The following ZAN variants were observed in gnomAD, a reference collection of about 807,000 sequenced individuals.
ZAN encodes the protein zonadhesin (gene/pseudogene).
A neutral mutation model predicts 286.2 loss-of-function variants in ZAN; 260 were observed. That is an observed-to-expected ratio of 0.91 (90% CI 0.82 to 1.01). ZAN has a LOEUF of 1.01. Ranked by LOEUF, ZAN falls within the 50% of genes least tolerant of loss-of-function variation. The pLI is 0.00. For synonymous variants in ZAN, 1,368 were observed against 1,417.5 expected, an observed-to-expected ratio of 0.97 and a Z score of 0.79; for missense variants, 3,410 against 3,639.2, an observed-to-expected ratio of 0.94 and a Z score of 1.62.
In ZAN at chr7:100,736,770, G is replaced by A; in HGVS notation, c.254-39G>A. 2.1e-6 allele frequency: 3 copies of A among 1,458,494 alleles called. 1 individual carries two copies. Among genetic ancestry groups the A allele is most frequent in the Non-Finnish European group, 9.3e-7 (1 of 1,076,062 alleles). 90.3% of individuals were successfully genotyped at this position (1,458,494 alleles called of 1,614,324 possible). ...GGATGGGTGGGGGCAGCCCTCAGAG[G>A]TGGCTGGGCCTCAGTGTCTTGGGCT... On this transcript the variant is annotated intron_variant, in intron 4 of 47. Coordinates refer to ENST00000613979, the MANE Select transcript of ZAN (RefSeq NM_003386.3).
At chr7:100,760,646 C>T in intron 19 of ZAN, 110 bp downstream of exon 19, 1 of 1,456,480 alleles carries the variant, frequency 6.9e-7, no homozygotes, top group Non-Finnish European at 9.3e-7. Context: ...CCTGGCACCA[C>T]TACTTGATCC....
At chr7:100,791,895 T>A in intron 40 of ZAN, 71 bp from the exon 41 acceptor site, 2 of 1,504,500 alleles carry the variant, frequency 1.3e-6, no homozygotes, top group Non-Finnish European at 1.8e-6. Flanking sequence ...GCCCGGCTAA[T>A]CAGTTCTTCT....
At chr7:100,760,155 A>C (rs1482406095) in intron 18 of ZAN, among the ~76,000 whole-genome samples, 3 of 152,174 alleles carry the variant, frequency 2.0e-5, no homozygotes, top group Non-Finnish European at 2.9e-5. Context: ...TCGAGGCTGC[A>C]GTGAGCTGTG....
chr7:100,775,296 G>GT (rs1255204381), intron 31 of ZAN, 32 bp from the exon 32 acceptor site: 1 of 1,606,418 alleles, frequency 6.2e-7, no homozygotes, highest in Admixed American at 1.7e-5. Context: ...CCAGAGGAGC[G>GT]TCATAGCCCA....
chr7:100,793,142 C>T (rs552074236), intron 42 of ZAN, among the ~76,000 whole-genome samples: 17 of 151,752 alleles, frequency 1.1e-4, no homozygotes, highest in South Asian at 2.1e-4. Context: ...AGTTTGAGAC[C>T]GGCCTGGGGA....
chr7:100,738,909 C>T (rs56813925), intron 7 of ZAN, among the ~76,000 whole-genome samples: 425 of 2,776 alleles, frequency 0.15, 45 homozygotes, highest in South Asian at 0.33. Flanking sequence ...CTCCCTCTCC[C>T]TCTCCCTCTC....
In ZAN at chr7:100,763,884, T is replaced by C. The variant is rs1485330234; in HGVS notation, c.4065T>C (p.Cys1355=). 4.3e-6 allele frequency: 7 copies of C among 1,613,900 alleles called. No homozygotes were observed. In the East Asian group the frequency reaches 8.9e-5, roughly 21 times the overall value. Reference sequence around the variant, plus strand: ...GCAGCATGTCGGGGCCAGGGTTCTGTGGACGGCTGGTCGACACTCATGGCC... The same window carrying C: ...GCAGCATGTCGGGGCCAGGGTTCTGCGGACGGCTGGTCGACACTCATGGCC... The part of the protein sequence containing the change: ...LQSSMSGPGF[C]GRLVDTHGPF... Residue 1355 remains cysteine (C), a synonymous_variant, in exon 21 of 48, where the codon TGT becomes TGC. Coordinates refer to ENST00000613979, the MANE Select transcript of ZAN (RefSeq NM_003386.3). The surrounding 1 kb of genome is among the most constrained non-coding windows in gnomAD (Gnocchi z 4.6).
chr7:100,783,559 C>A (rs1483404014), intron 35 of ZAN, among the ~76,000 whole-genome samples: 1 of 148,806 alleles, frequency 6.7e-6, no homozygotes, highest in East Asian at 2.0e-4. Context: ...CATGGTGAAA[C>A]CCCATCTCTA....
At chr7:100,778,859 C>T (rs1265560875) in intron 34 of ZAN, among the ~76,000 whole-genome samples, 1 of 152,060 alleles carries the variant, frequency 6.6e-6, no homozygotes. Flanking sequence ...ATGGTGAAAC[C>T]TCGTCTCTAT....
In ZAN at chr7:100,775,413, T is replaced by C. The variant is rs1444858592; in HGVS notation, c.5865T>C (p.Leu1955=). ...ATTCTATCCCGGACGCCTGCACTCT[T>C]GTCCTGGTGAAAGTGTGCCACCCCG... ...SNHSIPDACT[L]VLVKVCHPAM... is the part of the protein sequence containing the mutation. The change falls in exon 32 of 48, where the codon CTT becomes CTC. Residue 1955 remains leucine (L), a synonymous_variant. Transcript: ENST00000613979. 6.2e-7 allele frequency: 1 copy of C among 1,613,964 alleles called. No homozygotes were observed. The highest frequency in any genetic ancestry group is 8.5e-7 in the Non-Finnish European group (1 of 1,179,880).
At position 100,773,720 on chromosome 7, in the gene ZAN, G is replaced by A. The variant is rs746106090; in HGVS notation, c.5635-1G>A. On this transcript the variant is annotated splice_acceptor_variant, in intron 30 of 47. Coordinates refer to ENST00000613979, the MANE Select transcript of ZAN (RefSeq NM_003386.3). LOFTEE classifies it high-confidence loss of function. ...GCTCAGCTGATCCCTGTGGCCCACA[G>A]GTCGGGGAGCGCTGGTACACAGAGA... 3.1e-6 allele frequency: 5 copies of A among 1,607,716 alleles called. No homozygotes were observed. The East Asian group carries it at 1.1e-4, about 36-fold the overall frequency.
chr7:100,777,929 G>T (rs575787610), intron 34 of ZAN, among the ~76,000 whole-genome samples: 1 of 152,074 alleles, frequency 6.6e-6, no homozygotes, highest in Non-Finnish European at 1.5e-5. Flanking sequence ...ATTCTGGGGC[G>T]ATGTGTGTAA....
intron 1 of ZAN, among the ~76,000 whole-genome samples, 185 bp downstream of exon 1, chr7:100,733,833 T>C (rs117726678): frequency 0.044 from 6,240 of 141,352 alleles, 1,185 homozygotes; most frequent in Middle Eastern, 0.11. Flanking sequence ...AAATAATAAT[T>C]TCTTTTCCTT....
Position 100,750,610 on chromosome 7 carries a change from C to G in ZAN, c.1250-15C>G, listed in dbSNP as rs995817744. The G allele has an allele frequency of 1.2e-6, 2 of 1,612,070 alleles. No individual in the cohort carries two copies. The highest frequency in any genetic ancestry group is 2.2e-5 in the South Asian group (2 of 90,598). ...TGCAGGCTTCTTACCTTGCCTGTTCCCTTCCTTTGCCTAGGGGGTCACTAT... is the reference window on the plus strand; with the variant it reads ...TGCAGGCTTCTTACCTTGCCTGTTCGCTTCCTTTGCCTAGGGGGTCACTAT... On this transcript the variant is annotated splice_polypyrimidine_tract_variant and intron_variant, in intron 11 of 47. Coordinates refer to ENST00000613979, the MANE Select transcript of ZAN (RefSeq NM_003386.3).
rs1272106897 is a variant in ZAN, at chr7:100,752,843, C to T, written c.2738C>T (p.Pro913Leu). Reference protein sequence around the residue: ...TEKPTISPEKPTISTEKPTIP... With the variant: ...TEKPTISPEKLTISTEKPTIP... ...AAACCCACCATCTCCCCAGAAAAAC[C>T]CACCATCTCCACGGAAAAACCCACC... The change falls in exon 14 of 48, where the codon CCC becomes CTC. Residue 913 changes from proline to leucine, a missense_variant. Physicochemically the swap from Pro to Leu is moderately conservative, Grantham distance 98 (BLOSUM62 -3). Coordinates refer to ENST00000613979, the MANE Select transcript of ZAN (RefSeq NM_003386.3). 3.1e-6 allele frequency: 5 copies of T among 1,602,776 alleles called. No individual in the cohort carries two copies. Among genetic ancestry groups the T allele is most frequent in the African/African-American group, 1.4e-5 (1 of 72,814 alleles).
At chr7:100,772,933 C>A (rs1231635563) in intron 29 of ZAN, among the ~76,000 whole-genome samples, 1 of 141,408 alleles carries the variant, frequency 7.1e-6, no homozygotes, top group African/African-American at 2.6e-5. Flanking sequence ...GTGCAGTGGT[C>A]TGACCTCGCC....
chr7:100,759,936 GT>G, intron 18 of ZAN, 91 bp downstream of exon 18: 1 of 1,491,062 alleles, frequency 6.7e-7, no homozygotes, highest in Non-Finnish European at 8.9e-7. Flanking sequence ...CACGGATGGG[GT>G]TCAACAAGAC....
At chr7:100,744,870 T>G (rs1209782431) in intron 7 of ZAN, among the ~76,000 whole-genome samples, 1 of 134,682 alleles carries the variant, frequency 7.4e-6, no homozygotes, top group Non-Finnish European at 1.5e-5. Context: ...GTCTCCTTGG[T>G]TTTTTTTTTG....
intron 11 of ZAN, among the ~76,000 whole-genome samples, chr7:100,748,898 T>C (rs1048281287): frequency 6.6e-6 from 1 of 151,616 alleles, no homozygotes; most frequent in Non-Finnish European, 1.5e-5. Flanking sequence ...TAGCTAGATG[T>C]GGTGGTGTGT....
Sources: gnomAD v4.1 joint callset for allele counts (sites outside exome capture counted in the v4.1 genomes callset) on GRCh38, gnomAD v4.1.1 for gene constraint, Gnocchi (gnomAD v3.1) non-coding constraint, MANE v1.5 for transcripts, NCBI Gene and HGNC (gene_info 2026-07-23, HGNC 2026-07-21) for gene names.